Variants in NSD3 observed in about 807,000 individuals in gnomAD.
NSD3 encodes the protein nuclear receptor binding SET domain protein 3.
In NSD3, 24 loss-of-function variants were observed where a neutral mutation model predicts 160.8. The observed-to-expected ratio is 0.15, with a 90% CI of 0.11 to 0.21. The LOEUF is 0.21. Among genes scored for constraint, NSD3 ranks in the 10% least tolerant of loss-of-function variants. NSD3 has a pLI of 1.00. For missense variants in NSD3, 1,157 were observed against 1,735.9 expected (o/e 0.67, Z 5.93); for synonymous variants, 520 against 600.0 (o/e 0.87, Z 1.95).
intron 2 of NSD3, among the ~76,000 whole-genome samples, chr8:38,339,332 T>G (rs1430353682): frequency 6.6e-6 from 1 of 152,176 alleles, no homozygotes. Flanking sequence ...GCAAATCTAC[T>G]TCTAAGAATG....
intron 2 of NSD3, among the ~76,000 whole-genome samples, chr8:38,341,082 T>C (rs1311974211): frequency 1.3e-5 from 2 of 152,070 alleles, no homozygotes; most frequent in African/African-American, 2.4e-5. Context: ...AAGGCTTCAA[T>C]GGGCTATGAC....
chr8:38,317,043 A>C lies in NSD3; in HGVS notation c.1856-1001T>G. 1.9e-6 allele frequency: 2 copies of C among 1,059,782 alleles called. No individual in the cohort carries two copies. Among genetic ancestry groups the C allele is most frequent in the East Asian group, 1.0e-4 (2 of 19,298 alleles). 65.6% of individuals were successfully genotyped at this position (1,059,782 alleles called of 1,614,324 possible). A position where few individuals can be genotyped will look rare whatever the true frequency, so the allele number is the denominator to read the frequency against. ...ATTTCCATACAACAAACAGACATCT[A>C]GATCAACCCAGCAAGCTATGGTGGA... On this transcript the variant is annotated intron_variant, in intron 9 of 23. Transcript: ENST00000317025. This position sits in a 1 kb window ranked among gnomAD's most constrained non-coding sequence, Gnocchi z 5.3.
At chr8:38,363,639 CAAAA>C (rs768805402) in intron 1 of NSD3, among the ~76,000 whole-genome samples, 3 of 48,706 alleles carry the variant, frequency 6.2e-5, no homozygotes, top group Non-Finnish European at 1.2e-4. Flanking sequence ...GACTCCGTCT[CAAAA>C]AAAAAAAAAA....
chr8:38,299,435 G>A lies in NSD3; in HGVS notation c.2758+9C>T. 1 of 1,609,012 alleles carries A rather than the reference G, an allele frequency of 6.2e-7. No homozygotes were observed. The highest frequency in any genetic ancestry group is 8.5e-7 in the Non-Finnish European group (1 of 1,178,354). ...AAATAAAAGCAAGAGAAACTATTTT[G>A]ATTATTACCTTTCTCACATTTCTTT... On this transcript the variant is annotated intron_variant, in intron 15 of 23. Transcript: ENST00000317025.
chr8:38,374,961 G>C (rs1395606800), intron 1 of NSD3, among the ~76,000 whole-genome samples: 1 of 151,946 alleles, frequency 6.6e-6, no homozygotes, highest in East Asian at 1.9e-4. Context: ...CCGAGATCGC[G>C]CCCCTGCACT....
At chr8:38,326,462 C>CA (rs1341979710) in intron 7 of NSD3, among the ~76,000 whole-genome samples, 3 of 152,168 alleles carry the variant, frequency 2.0e-5, no homozygotes, top group Admixed American at 2.0e-4. Flanking sequence ...TGTATTTACT[C>CA]AGATACATAT....
Position 38,269,715 on chromosome 8 carries a change from C to A in NSD3, c.*5926G>T, listed in dbSNP as rs778706073. On this transcript the variant is annotated 3_prime_UTR_variant, in exon 24 of 24. Coordinates refer to ENST00000317025, the MANE Select transcript of NSD3 (RefSeq NM_023034.2). ...GCCCACATATTTAATTTGGAACATA[C>A]AGGACAATTTATTGAAGTCAATCTC... 1.3e-5 allele frequency: 2 copies of A among 153,994 alleles called. No individual in the cohort carries two copies. The highest frequency in any genetic ancestry group is 4.8e-5 in the African/African-American group (2 of 41,530). 9.5% of individuals were successfully genotyped at this position (153,994 alleles called of 1,614,324 possible).
intron 2 of NSD3, among the ~76,000 whole-genome samples, 176 bp from the exon 3 acceptor site, chr8:38,338,783 T>C (rs1040816301): frequency 1.3e-5 from 2 of 152,206 alleles, no homozygotes; most frequent in Non-Finnish European, 2.9e-5. Flanking sequence ...TAATGCTGTC[T>C]CAACATTCAT....
In NSD3 at chr8:38,319,059, C is replaced by A; in HGVS notation, c.1810-119G>T. The A allele has an allele frequency of 2.2e-6, 2 of 912,430 alleles. No individual in the cohort carries two copies. The highest frequency in any genetic ancestry group is 3.4e-6 in the Non-Finnish European group (2 of 592,432). 56.5% of individuals were successfully genotyped at this position (912,430 alleles called of 1,614,324 possible). Reference sequence around the variant, plus strand: ...GATGAGTGATTAATGTATCTGAAATCTGAACTCAGTCCCATCTTTTGGGTA... The same window carrying A: ...GATGAGTGATTAATGTATCTGAAATATGAACTCAGTCCCATCTTTTGGGTA... On this transcript the variant is annotated intron_variant, in intron 8 of 23. Transcript: ENST00000317025. This position sits in a 1 kb window ranked among gnomAD's most constrained non-coding sequence, Gnocchi z 4.1.
chr8:38,372,203 T>C (rs1031917616), intron 1 of NSD3, among the ~76,000 whole-genome samples: 1 of 152,134 alleles, frequency 6.6e-6, no homozygotes, highest in Non-Finnish European at 1.5e-5. Flanking sequence ...CATTTTAGAG[T>C]TTGCATGTTA....
At chr8:38,302,928 C>T (rs1163587639) in intron 14 of NSD3, among the ~76,000 whole-genome samples, 1 of 152,130 alleles carries the variant, frequency 6.6e-6, no homozygotes, top group African/African-American at 2.4e-5. Context: ...GCTACTGTGC[C>T]CAGCCTGAAA....
intron 2 of NSD3, among the ~76,000 whole-genome samples, chr8:38,345,287 G>A (rs986255857): frequency 1.5e-5 from 2 of 130,094 alleles, no homozygotes; most frequent in Non-Finnish European, 3.3e-5. Context: ...GGGAAGGGAC[G>A]AGGGGGTAGG....
rs1810566169 is a variant in NSD3 at position 38,347,548 on chromosome 8, A to G, written c.624T>C (p.Ser208=). 2 of 1,611,128 alleles carry G rather than the reference A, an allele frequency of 1.2e-6. No individual in the cohort carries two copies. The highest frequency in any genetic ancestry group is 1.7e-6 in the Non-Finnish European group (2 of 1,179,356). The part of the protein sequence containing the change: ...KKSNKHDSSR[S]EERKSHKIPK... Reference sequence around the variant, plus strand: ...GGATTTTGTGTGACTTGCGCTCTTCAGATCTTGATGAGTCATGCTTGTTGC... The same window carrying G: ...GGATTTTGTGTGACTTGCGCTCTTCGGATCTTGATGAGTCATGCTTGTTGC... The change falls in exon 2 of 24, where the codon TCT becomes TCC. Residue 208 remains serine (S), a synonymous_variant. Coordinates refer to ENST00000317025, the MANE Select transcript of NSD3 (RefSeq NM_023034.2).
chr8:38,308,875 A>G (rs1451416391), intron 12 of NSD3, among the ~76,000 whole-genome samples: 2 of 152,188 alleles, frequency 1.3e-5, no homozygotes, highest in African/African-American at 4.8e-5. Flanking sequence ...AATATAAATG[A>G]AAATAGTGAA....
chr8:38,347,612 T>A lies in NSD3; in HGVS notation c.560A>T (p.Lys187Ile). 1 of 1,614,058 alleles carries A rather than the reference T, an allele frequency of 6.2e-7. No homozygotes were observed. The highest frequency in any genetic ancestry group is 8.5e-7 in the Non-Finnish European group (1 of 1,180,038). The change falls in exon 2 of 24, where the codon AAA becomes ATA. Residue 187 changes from lysine (K) to isoleucine (I), a missense_variant. Coordinates refer to ENST00000317025, the MANE Select transcript of NSD3 (RefSeq NM_023034.2). ...LNEVQASEHT[K>I]SKHESRKEKR... Reference sequence around the variant, plus strand: ...TTCTTTTCTGCTTTCATGCTTTGATTTCGTGTGCTCACTTGCCTGTACTTC... The same window carrying A: ...TTCTTTTCTGCTTTCATGCTTTGATATCGTGTGCTCACTTGCCTGTACTTC...
chr8:38,362,849 A>G (rs1001773484), intron 1 of NSD3, among the ~76,000 whole-genome samples: 5 of 152,264 alleles, frequency 3.3e-5, no homozygotes, highest in Non-Finnish European at 4.4e-5. Flanking sequence ...ACTGTAGAAC[A>G]TAACACATGA....
rs72630610 is a variant in NSD3, at chr8:38,348,363, C to A, written c.-44-148G>T. 55,536 of 549,476 alleles carry A rather than the reference C, an allele frequency of 0.1. 3,480 individuals are homozygous for A. Among genetic ancestry groups the A allele is most frequent in the South Asian group, 0.16 (4,371 of 26,906 alleles). The allele number at this position is 549,476 out of a possible 1,614,324, so 34.0% of individuals were successfully genotyped here. A position where few individuals can be genotyped will look rare whatever the true frequency, so the allele number is the denominator to read the frequency against. On this transcript the variant is annotated intron_variant, in intron 1 of 23. Coordinates refer to ENST00000317025, the MANE Select transcript of NSD3 (RefSeq NM_023034.2). ...CATTAAATATTTCTAAAACAGATAA[C>A]TGATATAATTCTGACACAGGGCAAA...
chr8:38,362,376 A>C (rs1300281437), intron 1 of NSD3, among the ~76,000 whole-genome samples: 4 of 148,398 alleles, frequency 2.7e-5, no homozygotes, highest in Non-Finnish European at 5.9e-5. Flanking sequence ...TGGATTTTGA[A>C]CTGAGAGTAC....
rs1354167869 is a variant in NSD3 at position 38,270,358 on chromosome 8, ATC to A, written c.*5281_*5282del. ...GAAAATGAAAACGGAGTCTGTAGGT[ATC>A]TGTGTTTGTTGTGCAATATCACTCA... On this transcript the variant is annotated 3_prime_UTR_variant, in exon 24 of 24. Transcript: ENST00000317025. The A allele has an allele frequency of 1.3e-5, 2 of 152,226 alleles. No individual in the cohort carries two copies. Among genetic ancestry groups the A allele is most frequent in the South Asian group, 2.1e-4 (1 of 4,836 alleles). The allele number at this position is 152,226 out of a possible 1,614,324, so 9.4% of individuals were successfully genotyped here. A position where few individuals can be genotyped will look rare whatever the true frequency, so the allele number is the denominator to read the frequency against.
Sources: gnomAD v4.1 joint callset for allele counts (sites outside exome capture counted in the v4.1 genomes callset) on GRCh38, gnomAD v4.1.1 for gene constraint, Gnocchi (gnomAD v3.1) non-coding constraint, MANE v1.5 for transcripts, NCBI Gene and HGNC (gene_info 2026-07-23, HGNC 2026-07-21) for gene names.